Variants in SYNE3 observed in about 807,000 individuals in gnomAD.
SYNE3 encodes the protein nesprin-3.
SYNE3 carries 100 observed loss-of-function variants against 111.2 expected under a neutral mutation model. The observed-to-expected ratio is 0.90, with a 90% CI of 0.77 to 1.06. The LOEUF (loss-of-function observed/expected upper bound fraction) is 1.06, where lower values mean the gene tolerates loss of function less well. SYNE3 is among the 50% of genes least tolerant of loss of function. The probability of loss-of-function intolerance (pLI) is 0.00; values close to 1 mark genes in which losing one functional copy is unlikely to be tolerated. For synonymous variants in SYNE3, 547 were observed against 533.9 expected (o/e 1.02, Z -0.34); for missense variants, 1,160 against 1,240.3 (o/e 0.94, Z 0.97).
intron 4 of SYNE3, 91 bp downstream of exon 4, chr14:95,465,840 G>A: frequency 2.2e-6 from 3 of 1,363,262 alleles, no homozygotes; most frequent in Non-Finnish European, 3.0e-6. Flanking sequence ...TAAATAGCTT[G>A]ATAGTAGGCA....
Position 95,449,896 on chromosome 14 carries a change from C to T in SYNE3, c.1449+35G>A, listed in dbSNP as rs572766509. 5.2e-5 allele frequency: 80 copies of T among 1,542,270 alleles called. 2 individuals carry two copies. In the South Asian group the frequency reaches 9.0e-4, roughly 17 times the overall value. On this transcript the variant is annotated intron_variant, in intron 8 of 17. Coordinates refer to ENST00000682763, the MANE Select transcript of SYNE3 (RefSeq NM_152592.6). ...AACACCATGCCCCGCCAGTGGCCCA[C>T]CCCAGCCCCACCCAGTTGGCAGGAC...
Position 95,470,219 on chromosome 14 carries a change from A to C in SYNE3, c.145-2252T>G, listed in dbSNP as rs1213624743. On this transcript the variant is annotated intron_variant, in intron 2 of 17. Coordinates refer to ENST00000682763, the MANE Select transcript of SYNE3 (RefSeq NM_152592.6). This position sits in a 1 kb window ranked among gnomAD's most constrained non-coding sequence, Gnocchi z 4.2. The stretch of plus-strand genomic sequence containing the variant: ...CCTGAAGACCCAAGGGCCAGTGTGG[A>C]ATGTTCTAGACTGAATACGATTATC... 6.6e-6 allele frequency among the ~76,000 whole-genome samples: 1 copy of C among 152,146 alleles called. No individual in the cohort carries two copies. Among genetic ancestry groups the C allele is most frequent in the East Asian group, 1.9e-4 (1 of 5,194 alleles).
rs1198305798 is a variant in SYNE3 at position 95,416,151 on chromosome 14, C to G, written c.*1675G>C. On this transcript the variant is annotated 3_prime_UTR_variant, in exon 18 of 18. Coordinates refer to ENST00000682763, the MANE Select transcript of SYNE3 (RefSeq NM_152592.6). ...TTTCTGAGTCAGCCCCAAGGGCTCTCCTTGGCAGCACGGGTTTCCTGCCGG... is the reference window on the plus strand; with the variant it reads ...TTTCTGAGTCAGCCCCAAGGGCTCTGCTTGGCAGCACGGGTTTCCTGCCGG... The G allele has an allele frequency of 1.3e-5, 2 of 152,004 alleles. No homozygotes were observed. Among genetic ancestry groups the G allele is most frequent in the East Asian group, 3.9e-4 (2 of 5,180 alleles). 9.4% of individuals were successfully genotyped at this position (152,004 alleles called of 1,614,324 possible). A position where few individuals can be genotyped will look rare whatever the true frequency, so the allele number is the denominator to read the frequency against.
At chr14:95,448,432 A>C (rs1430094374) in intron 8 of SYNE3, among the ~76,000 whole-genome samples, 1 of 152,178 alleles carries the variant, frequency 6.6e-6, no homozygotes, top group Non-Finnish European at 1.5e-5. Context: ...CTCTTGTCTA[A>C]TCCTAGCACT....
intron 1 of SYNE3, among the ~76,000 whole-genome samples, chr14:95,496,467 C>T (rs1890095884): frequency 6.6e-6 from 1 of 152,226 alleles, no homozygotes; most frequent in South Asian, 2.1e-4. Context: ...AATTCACATT[C>T]CAAAATGTGT....
At chr14:95,477,498 G>A (rs1285168993) in intron 1 of SYNE3, among the ~76,000 whole-genome samples, 3 of 152,162 alleles carry the variant, frequency 2.0e-5, no homozygotes, top group Middle Eastern at 3.4e-3. Flanking sequence ...AATAAAAATT[G>A]TCTTCACTCA....
chr14:95,468,641 C>G (rs184912943), intron 2 of SYNE3, among the ~76,000 whole-genome samples: 44 of 152,362 alleles, frequency 2.9e-4, no homozygotes, highest in Middle Eastern at 3.4e-3. Flanking sequence ...CCTCCTGACC[C>G]TGCTCCTTCC....
intron 1 of SYNE3, among the ~76,000 whole-genome samples, chr14:95,508,748 T>C (rs1890617009): frequency 6.6e-6 from 1 of 152,170 alleles, no homozygotes; most frequent in Non-Finnish European, 1.5e-5. Context: ...AAGAGATATT[T>C]GCAAGGTTCC....
intron 7 of SYNE3, 33 bp from the exon 8 acceptor site, chr14:95,450,138 G>T: frequency 6.4e-7 from 1 of 1,555,216 alleles, no homozygotes; most frequent in East Asian, 2.4e-5. Flanking sequence ...AAATGAGGGA[G>T]GAGAGAGAGT....
chr14:95,449,388 G>A, intron 8 of SYNE3: 1 of 977,750 alleles, frequency 1.0e-6, no homozygotes, highest in Non-Finnish European at 1.2e-6. Flanking sequence ...AGTAGAGGTG[G>A]AGAGAGCCCT....
intron 17 of SYNE3, among the ~76,000 whole-genome samples, chr14:95,429,575 C>A (rs1885629844): frequency 6.6e-6 from 1 of 152,158 alleles, no homozygotes; most frequent in Non-Finnish European, 1.5e-5. Context: ...CGTGTAGTGG[C>A]CCCCATGTTG....
In SYNE3 at chr14:95,473,322, A is replaced by G. The variant is rs566401594; in HGVS notation, c.144+2356T>C. On this transcript the variant is annotated intron_variant, in intron 2 of 17. Transcript: ENST00000682763. ...GACCACCCTTGACTTTGCTTAAACC[A>G]GAACCACCACCTGGAGGGAAAGACC... Among the ~76,000 whole-genome samples the G allele has an allele frequency of 1.4e-4, 21 of 152,174 alleles. No individual in the cohort carries two copies. In the South Asian group the frequency reaches 3.9e-3, roughly 29 times the overall value.
chr14:95,511,219 T>C (rs1890709498), intron 1 of SYNE3, among the ~76,000 whole-genome samples: 1 of 152,312 alleles, frequency 6.6e-6, no homozygotes, highest in Non-Finnish European at 1.5e-5. Flanking sequence ...CTCAATTGTT[T>C]TGGGAATCAA....
chr14:95,496,111 C>G (rs113178624), intron 1 of SYNE3, among the ~76,000 whole-genome samples: 1,982 of 152,316 alleles, frequency 0.013, 41 homozygotes, highest in African/African-American at 0.045. Context: ...AGGTTGTGGT[C>G]GTCTTGTCTT....
intron 4 of SYNE3, among the ~76,000 whole-genome samples, chr14:95,462,782 G>A (rs1887916725): frequency 1.3e-5 from 2 of 152,242 alleles, no homozygotes; most frequent in Non-Finnish European, 2.9e-5. Flanking sequence ...TGCAGGGAGC[G>A]CCACCTTAGA....
In SYNE3 at chr14:95,417,921, G is replaced by C. The variant is rs767839740; in HGVS notation, c.2833C>G (p.Pro945Ala). The change falls in exon 18 of 18, where the codon CCA becomes GCA. Residue 945 changes from proline (P) to alanine (A), a missense_variant. Coordinates refer to ENST00000682763, the MANE Select transcript of SYNE3 (RefSeq NM_152592.6). ...CAGCTGCGGTCCTCTTCCCTGATTGGGAGCAGGAACAGCAGGAGGAGGAAC... is the reference window on the plus strand; with the variant it reads ...CAGCTGCGGTCCTCTTCCCTGATTGCGAGCAGGAACAGCAGGAGGAGGAAC... The part of the protein sequence containing the change: ...LLFLLLLFLL[P>A]IREEDRSCTL... 3 of 1,614,148 alleles carry C rather than the reference G, an allele frequency of 1.9e-6. No homozygotes were observed. The highest frequency in any genetic ancestry group is 2.5e-6 in the Non-Finnish European group (3 of 1,180,038).
At position 95,510,836 on chromosome 14, in the gene SYNE3, C is replaced by T. The variant is rs575226588; in HGVS notation, c.-15+5760G>A. Among the ~76,000 whole-genome samples the T allele has an allele frequency of 1.1e-4, 16 of 152,306 alleles. No individual in the cohort carries two copies. The South Asian group carries it at 2.7e-3, about 26-fold the overall frequency. On this transcript the variant is annotated intron_variant, in intron 1 of 17. Transcript: ENST00000682763. ...AAATGGGATGGATTCTCCCAACTCC[C>T]GATGCACCACTGCCCATGCCACAAA...
intron 9 of SYNE3, among the ~76,000 whole-genome samples, chr14:95,444,913 A>C (rs1886624396): frequency 6.6e-6 from 1 of 152,140 alleles, no homozygotes; most frequent in Non-Finnish European, 1.5e-5. Context: ...TGTTTTTGTA[A>C]ATAAAGTTTT....
At chr14:95,493,128 T>C (rs1166967313) in intron 1 of SYNE3, among the ~76,000 whole-genome samples, 1 of 152,096 alleles carries the variant, frequency 6.6e-6, no homozygotes, top group Non-Finnish European at 1.5e-5. Flanking sequence ...CAAAGGAAGT[T>C]TTTCCTTCCA....
Sources: gnomAD v4.1 joint callset for allele counts (sites outside exome capture counted in the v4.1 genomes callset) on GRCh38, gnomAD v4.1.1 for gene constraint, Gnocchi (gnomAD v3.1) non-coding constraint, MANE v1.5 for transcripts, NCBI Gene and HGNC (gene_info 2026-07-23, HGNC 2026-07-21) for gene names.